Variants in ANXA8 observed in about 807,000 individuals in gnomAD.
ANXA8 encodes annexin A8, also known as VAC-beta.
Under a neutral mutation model 26.8 loss-of-function variants are expected in ANXA8, and 9 were observed. The observed-to-expected ratio is 0.34, with a 90% CI of 0.20 to 0.59. ANXA8 has a LOEUF of 0.59. Among genes scored for constraint, ANXA8 ranks in the 20% least tolerant of loss-of-function variants. The probability of loss-of-function intolerance (pLI) is 0.84; values close to 1 mark genes in which losing one functional copy is unlikely to be tolerated. For synonymous variants in ANXA8, 39 were observed against 94.8 expected (o/e 0.41, Z 3.42); for missense variants, 83 against 238.5 (o/e 0.35, Z 4.29).
chr10:47,528,211 C>T, the ANXA8 span, among the ~76,000 whole-genome samples: 5 of 140,698 alleles, frequency 3.6e-5, no homozygotes, highest in African/African-American at 1.0e-4. Context: ...TCCTGATTAG[C>T]TGGGACTACA....
chr10:47,769,595 C>T, the ANXA8 span, among the ~76,000 whole-genome samples: 1 of 151,628 alleles, frequency 6.6e-6, no homozygotes. Flanking sequence ...CACATGTCCT[C>T]CTTTGTTCCC....
the ANXA8 span, among the ~76,000 whole-genome samples, chr10:47,533,218 C>CACATACAT: frequency 1.6e-4 from 18 of 112,240 alleles, no homozygotes; most frequent in Non-Finnish European, 2.8e-4. Flanking sequence ...CACACACACA[C>CACATACAT]ACACACCCCC....
chr10:47,660,495 G>A, the ANXA8 span, among the ~76,000 whole-genome samples: 1 of 151,566 alleles, frequency 6.6e-6, no homozygotes, highest in African/African-American at 2.4e-5. Flanking sequence ...CTGCCTCCTA[G>A]GTTCAAGCGA....
chr10:47,942,545 G>A, the ANXA8 span, among the ~76,000 whole-genome samples: 1 of 139,790 alleles, frequency 7.2e-6, no homozygotes, highest in African/African-American at 2.9e-5. Context: ...CTGAGTAGGT[G>A]TTATCTCCAA....
the ANXA8 span, among the ~76,000 whole-genome samples, chr10:47,932,647 T>TTATGAAG: frequency 1.6e-4 from 19 of 120,376 alleles, 1 homozygote; most frequent in Admixed American, 1.2e-3. Flanking sequence ...ATGGGGATTC[T>TTATGAAG]TCATGACGGG....
At chr10:47,645,697 C>G in the ANXA8 span, among the ~76,000 whole-genome samples, 2 of 151,370 alleles carry the variant, frequency 1.3e-5, no homozygotes, top group African/African-American at 4.9e-5. Context: ...AACATTATTT[C>G]TGAGTATGTC....
At chr10:47,488,809 G>A (rs1840092890), upstream of ANXA8, among the ~76,000 whole-genome samples, 1 of 124,464 alleles carries the variant, frequency 8.0e-6, no homozygotes, top group Non-Finnish European at 1.6e-5. Context: ...CTCACTGCAA[G>A]CTCCACCTTC....
At chr10:47,665,784 G>C in the ANXA8 span, among the ~76,000 whole-genome samples, 1 of 151,384 alleles carries the variant, frequency 6.6e-6, no homozygotes, top group Admixed American at 6.6e-5. Context: ...ATTGCCCTTT[G>C]TTTATTGCCT....
the ANXA8 span, among the ~76,000 whole-genome samples, chr10:47,984,732 T>G: frequency 7.2e-6 from 1 of 139,042 alleles, no homozygotes; most frequent in South Asian, 2.5e-4. Context: ...CTTAGCCTAA[T>G]GCTCTTGAGA....
chr10:47,546,580 ATT>A, the ANXA8 span, among the ~76,000 whole-genome samples: 1 of 136,654 alleles, frequency 7.3e-6, no homozygotes, highest in Non-Finnish European at 1.6e-5. Context: ...TTTTTTTTGT[ATT>A]TTTTTAGTAG....
chr10:47,771,479 T>C, the ANXA8 span, among the ~76,000 whole-genome samples: 1 of 151,146 alleles, frequency 6.6e-6, no homozygotes, highest in Non-Finnish European at 1.5e-5. Context: ...ACCAAATAAA[T>C]AATCTACACC....
chr10:47,901,107 G>C, the ANXA8 span, among the ~76,000 whole-genome samples: 2 of 143,248 alleles, frequency 1.4e-5, no homozygotes, highest in East Asian at 4.2e-4. Flanking sequence ...GGTTGAAGGA[G>C]AGAATTATCA....
At chr10:47,778,137 G>A in the ANXA8 span, among the ~76,000 whole-genome samples, 104 of 150,672 alleles carry the variant, frequency 6.9e-4, no homozygotes, top group African/African-American at 1.6e-3. Context: ...TGAAATGCTC[G>A]GGGCCAGAGT....
the ANXA8 span, among the ~76,000 whole-genome samples, chr10:47,559,142 C>CTTTT: frequency 5.2e-4 from 38 of 73,306 alleles, no homozygotes; most frequent in African/African-American, 1.0e-3. Context: ...TGGAGTCTTA[C>CTTTT]TTTTTTTTTT....
chr10:47,497,561 G>A, the ANXA8 span, among the ~76,000 whole-genome samples: 23,057 of 134,884 alleles, frequency 0.17, 1,980 homozygotes, highest in East Asian at 0.44. Flanking sequence ...GGAGGTTGCC[G>A]TGAGCCGAGA....
At chr10:47,744,413 G>GGGGGGGGGGTGGGGGGGAGGGGGGAA in the ANXA8 span, among the ~76,000 whole-genome samples, 1 of 3,978 alleles carries the variant, frequency 2.5e-4, no homozygotes, top group African/African-American at 8.1e-4. Flanking sequence ...GCTCCTGGTG[G>GGGGGGGGGGTGGGGGGGAGGGGGGAA]GGGGGGGGTT....
the ANXA8 span, among the ~76,000 whole-genome samples, chr10:47,680,516 T>A: frequency 6.6e-6 from 1 of 151,808 alleles, no homozygotes; most frequent in Admixed American, 6.6e-5. Flanking sequence ...ATGCCTGTAA[T>A]TCCAGCTACT....
At chr10:47,946,304 T>C in the ANXA8 span, among the ~76,000 whole-genome samples, 9 of 150,016 alleles carry the variant, frequency 6.0e-5, 1 homozygote, top group East Asian at 1.0e-3. Flanking sequence ...TATCTCAGTT[T>C]GTAGTCATGT....
intron 11 of ANXA8, among the ~76,000 whole-genome samples, chr10:47,470,129 A>T (rs1230851421): frequency 6.6e-6 from 1 of 151,908 alleles, no homozygotes; most frequent in Non-Finnish European, 1.5e-5. Flanking sequence ...TACATGAGTT[A>T]TACTTGGAGT....
Sources: allele counts gnomAD v4.1 joint callset (sites outside exome capture counted in the v4.1 genomes callset), GRCh38; gene constraint gnomAD v4.1.1; transcripts MANE v1.5; gene names NCBI Gene and HGNC (gene_info 2026-07-23, HGNC 2026-07-21).